The following ZNF608 variants were observed in gnomAD, a reference collection of about 807,000 sequenced individuals.
ZNF608 encodes the protein zinc finger protein 608.
ZNF608 carries 12 observed loss-of-function variants against 109.0 expected under a neutral mutation model. The observed-to-expected ratio is 0.11, with a 90% CI of 0.07 to 0.18. ZNF608 has a LOEUF of 0.18. Among genes scored for constraint, ZNF608 ranks in the 10% least tolerant of loss-of-function variants. ZNF608 has a pLI of 1.00. For missense variants in ZNF608, 1,707 were observed against 1,879.3 expected (o/e 0.91, Z 1.70); for synonymous variants, 732 against 717.4 (o/e 1.02, Z -0.33).
At chr5:124,660,527 GA>G (rs1307957367) in intron 3 of ZNF608, among the ~76,000 whole-genome samples, 2 of 152,264 alleles carry the variant, frequency 1.3e-5, no homozygotes, top group East Asian at 3.9e-4. Context: ...TGAGGAGTAG[GA>G]AGGAAGAAAG....
intron 2 of ZNF608, among the ~76,000 whole-genome samples, chr5:124,715,402 C>T (rs1000031178): frequency 6.6e-6 from 1 of 152,280 alleles, no homozygotes; most frequent in Admixed American, 6.5e-5. Context: ...AGTACAAGCA[C>T]CCCACGGGTG....
chr5:124,655,981 T>C (rs998825161), intron 3 of ZNF608, among the ~76,000 whole-genome samples: 5 of 152,152 alleles, frequency 3.3e-5, no homozygotes, highest in Admixed American at 6.5e-5. Flanking sequence ...CAAGTATATA[T>C]AGAGCACTAG....
chr5:124,656,414 C>T (rs1381311289), intron 3 of ZNF608, among the ~76,000 whole-genome samples: 1 of 152,084 alleles, frequency 6.6e-6, no homozygotes, highest in African/African-American at 2.4e-5. Flanking sequence ...ACTCTATCTG[C>T]GTTAATTATA....
At chr5:124,709,901 T>C (rs1252821958) in intron 2 of ZNF608, among the ~76,000 whole-genome samples, 1 of 152,222 alleles carries the variant, frequency 6.6e-6, no homozygotes, top group Non-Finnish European at 1.5e-5. Flanking sequence ...CAAAGCTGAA[T>C]TCCTGAAAAG....
At chr5:124,676,053 T>C (rs1017495730) in intron 3 of ZNF608, among the ~76,000 whole-genome samples, 1 of 152,206 alleles carries the variant, frequency 6.6e-6, no homozygotes, top group African/African-American at 2.4e-5. Context: ...GAAGTAGAGA[T>C]GTAGCATTCT....
At chr5:124,709,170 C>CAAAAAAAAAAAAA (rs1156276798) in intron 2 of ZNF608, among the ~76,000 whole-genome samples, 9 of 32,714 alleles carry the variant, frequency 2.8e-4, no homozygotes, top group African/African-American at 3.5e-4. Flanking sequence ...GACTCTGTCT[C>CAAAAAAAAAAAAA]AAAAAAAAAA....
chr5:124,729,941 T>C (rs1369277461), intron 2 of ZNF608, among the ~76,000 whole-genome samples: 2 of 152,198 alleles, frequency 1.3e-5, no homozygotes, highest in African/African-American at 4.8e-5. Flanking sequence ...TCTCTCCAAT[T>C]ATGCACGCAC....
In ZNF608 at chr5:124,644,546, G is replaced by C; in HGVS notation, c.3821C>G (p.Thr1274Ser). ...GGGCACACCACTCTCTTTATTAGGA[G>C]TTTTCCTCGGACTATCCTCTTTTAA... ...KKLKEDSPRK[T>S]PNKESGVPSL... The change falls in exon 6 of 10, where the codon ACT becomes AGT. Residue 1274 changes from threonine (T) to serine (S), a missense_variant. By Grantham distance (58) the Thr-to-Ser change is moderately conservative. Around this residue, in one of 7 missense-constraint regions of ZNF608, gnomAD observed 1,073 missense variants for 1,133.5 expected, o/e 0.95. Coordinates refer to ENST00000513986, the MANE Select transcript of ZNF608 (RefSeq NM_020747.3). 1.2e-6 allele frequency: 2 copies of C among 1,614,074 alleles called. No homozygotes were observed. The highest frequency in any genetic ancestry group is 2.2e-5 in the South Asian group (2 of 91,076).
At chr5:124,655,692 G>A (rs1294064952) in intron 3 of ZNF608, among the ~76,000 whole-genome samples, 3 of 151,998 alleles carry the variant, frequency 2.0e-5, no homozygotes, top group Admixed American at 6.6e-5. Context: ...TTTACACAAC[G>A]TGACTATTGT....
At chr5:124,664,609 T>C (rs1751401358) in intron 3 of ZNF608, among the ~76,000 whole-genome samples, 1 of 152,198 alleles carries the variant, frequency 6.6e-6, no homozygotes, top group Non-Finnish European at 1.5e-5. Flanking sequence ...TTATTATTGC[T>C]ATTTTACTGA....
intron 3 of ZNF608, among the ~76,000 whole-genome samples, chr5:124,673,769 T>C: frequency 6.6e-6 from 1 of 152,186 alleles, no homozygotes; most frequent in Non-Finnish European, 1.5e-5. Context: ...TGCATATTCC[T>C]ATTATCAAAT....
intron 3 of ZNF608, among the ~76,000 whole-genome samples, chr5:124,661,619 T>C (rs1296796848): frequency 6.6e-6 from 1 of 152,228 alleles, no homozygotes; most frequent in Admixed American, 6.5e-5. Context: ...AAAGGGCCTT[T>C]GTTAGCACTT....
intron 2 of ZNF608, among the ~76,000 whole-genome samples, chr5:124,725,965 GT>G (rs1273907873): frequency 6.6e-6 from 1 of 152,098 alleles, no homozygotes; most frequent in East Asian, 1.9e-4. Context: ...ATAGTGTCCT[GT>G]TTTTTCTCAC....
rs560632447 is a variant in ZNF608 at position 124,735,020 on chromosome 5, T to A, written c.906+9064A>T. 17 of 152,334 alleles carry A rather than the reference T, an allele frequency of 1.1e-4. No individual in the cohort carries two copies. The East Asian group carries it at 3.3e-3, about 29-fold the overall frequency. The allele number at this position is 152,334 out of a possible 1,614,324, so 9.4% of individuals were successfully genotyped here. A position where few individuals can be genotyped will look rare whatever the true frequency, so the allele number is the denominator to read the frequency against. ...ATAGTTGCTTTGTTTTGTTTTAATG[T>A]ACCCAGTATATTCGGCTTTCGGGAA... On this transcript the variant is annotated intron_variant, in intron 2 of 9. Transcript: ENST00000513986.
chr5:124,645,309 A>G (rs939685481), intron 5 of ZNF608, among the ~76,000 whole-genome samples: 1 of 152,162 alleles, frequency 6.6e-6, no homozygotes, highest in Admixed American at 6.5e-5. Context: ...AAAGCCATCT[A>G]TCTATAAACC....
chr5:124,652,199 A>AT (rs1344512905), intron 3 of ZNF608, among the ~76,000 whole-genome samples: 1 of 152,212 alleles, frequency 6.6e-6, no homozygotes, highest in Non-Finnish European at 1.5e-5. Flanking sequence ...CTGTAAAATT[A>AT]TTCACATCTC....
intron 3 of ZNF608, among the ~76,000 whole-genome samples, chr5:124,700,112 C>T (rs1247624022): frequency 2.6e-5 from 4 of 152,102 alleles, no homozygotes; most frequent in African/African-American, 9.7e-5. Flanking sequence ...CTTCATTTTT[C>T]TTTGTTCTCT....
rs149051779 is a variant in ZNF608, at chr5:124,682,016, C to T, written c.1162+18998G>A. ...AGGGTAGACAGAAGACATTTTTACGCGTTACATTTTTTAAGCATCTGAGCT... is the reference window on the plus strand; with the variant it reads ...AGGGTAGACAGAAGACATTTTTACGTGTTACATTTTTTAAGCATCTGAGCT... On this transcript the variant is annotated intron_variant, in intron 3 of 9. Coordinates refer to ENST00000513986, the MANE Select transcript of ZNF608 (RefSeq NM_020747.3). Among the ~76,000 whole-genome samples the T allele has an allele frequency of 2.6e-4, 39 of 152,332 alleles. 1 individual carries two copies. Among genetic ancestry groups the T allele is most frequent in the African/African-American group, 6.7e-4 (28 of 41,580 alleles).
In ZNF608 at chr5:124,656,649, C is replaced by T. The variant is rs144261169; in HGVS notation, c.1163-6952G>A. 3.3e-5 allele frequency among the ~76,000 whole-genome samples: 5 copies of T among 152,184 alleles called. No homozygotes were observed. The East Asian group carries it at 9.6e-4, about 29-fold the overall frequency. ...AGCAATGGAAAAATGCTGTTCTACT[C>T]TGCATTTTAAAACATGATAATCTTT... is the stretch of plus-strand genomic sequence containing the variant. On this transcript the variant is annotated intron_variant, in intron 3 of 9. Coordinates refer to ENST00000513986, the MANE Select transcript of ZNF608 (RefSeq NM_020747.3).
Sources: gnomAD v4.1 joint callset for allele counts (sites outside exome capture counted in the v4.1 genomes callset) on GRCh38, gnomAD v4.1.1 for gene constraint, gnomAD v4.1.1 regional missense constraint, MANE v1.5 for transcripts, NCBI Gene and HGNC (gene_info 2026-07-23, HGNC 2026-07-21) for gene names.